The following TEX14 variants were observed in gnomAD, a reference collection of about 807,000 sequenced individuals.
TEX14 encodes the protein testis expressed 14, intercellular bridge forming factor, also known as inactive serine/threonine-protein kinase TEX14.
TEX14 carries 168 observed loss-of-function variants against 178.6 expected under a neutral mutation model. The ratio of observed to expected loss-of-function variants is 0.94; its 90% CI spans 0.83 to 1.07. The LOEUF (loss-of-function observed/expected upper bound fraction) is 1.07. TEX14 is among the 50% of genes least tolerant of loss of function. The pLI is 0.00. For missense variants in TEX14, 1,730 were observed against 1,753.6 expected, an observed-to-expected ratio of 0.99 and a Z score of 0.24; for synonymous variants, 626 against 634.1, an observed-to-expected ratio of 0.99 and a Z score of 0.19.
At chr17:58,595,448 G>C (rs2045256993) in intron 14 of TEX14, among the ~76,000 whole-genome samples, 1 of 152,142 alleles carries the variant, frequency 6.6e-6, no homozygotes, top group South Asian at 2.1e-4. Context: ...CAGTGAATCT[G>C]GGCTGGCCTC....
chr17:58,607,012 CA>C lies in TEX14; in HGVS notation c.1185-1884del, dbSNP rs35155837. On this transcript the variant is annotated intron_variant, in intron 10 of 31. Transcript: ENST00000349033. ...TGCATTCCAGACTGGGCTACTGTCT[CA>C]AAAAAAAAAAAAAAAAAAAAAAAGG... Among the ~76,000 whole-genome samples, 350 of 92,562 alleles carry C rather than the reference CA, an allele frequency of 3.8e-3. 1 individual carries two copies. Among genetic ancestry groups the C allele is most frequent in the African/African-American group, 9.1e-3 (199 of 21,772 alleles). The allele number at this position is 92,562 out of a possible 152,430, so 60.7% of individuals were successfully genotyped here. A position where few individuals can be genotyped will look rare whatever the true frequency, so the allele number is the denominator to read the frequency against.
chr17:58,606,984 C>T (rs192452171), intron 10 of TEX14, among the ~76,000 whole-genome samples: 3 of 142,210 alleles, frequency 2.1e-5, no homozygotes, highest in African/African-American at 8.1e-5. Flanking sequence ...GAGATCGCAC[C>T]ACTGCATTCC....
chr17:58,598,791 T>A (rs549773128), intron 14 of TEX14, 85 bp downstream of exon 14: 1 of 1,291,624 alleles, frequency 7.7e-7, no homozygotes, highest in African/African-American at 1.5e-5. Flanking sequence ...GTGTTTACTT[T>A]GGAGACTTGG....
At chr17:58,563,903 T>C (rs1466974177) in intron 28 of TEX14, among the ~76,000 whole-genome samples, 1 of 150,518 alleles carries the variant, frequency 6.6e-6, no homozygotes, top group Non-Finnish European at 1.5e-5. Flanking sequence ...CATGAAAAGA[T>C]GTTCAACATC....
chr17:58,560,262 C>T (rs1268647174), intron 29 of TEX14, among the ~76,000 whole-genome samples: 2 of 152,214 alleles, frequency 1.3e-5, no homozygotes, highest in East Asian at 1.9e-4. Context: ...ATAGTCAAAA[C>T]AAAATACGTA....
intron 14 of TEX14, among the ~76,000 whole-genome samples, chr17:58,594,742 G>A (rs917275203): frequency 6.6e-5 from 10 of 152,084 alleles, no homozygotes; most frequent in African/African-American, 2.4e-4. Flanking sequence ...GGGATGCTAT[G>A]AAAATAAAAC....
intron 1 of TEX14, among the ~76,000 whole-genome samples, chr17:58,689,087 C>G (rs2047649526): frequency 6.6e-6 from 1 of 151,558 alleles, no homozygotes; most frequent in Non-Finnish European, 1.5e-5. Context: ...CCTGCCACCA[C>G]ACCCGGCTAA....
chr17:58,621,706 T>C lies in TEX14; in HGVS notation c.498A>G (p.Ile166Met). The part of the protein sequence containing the change: ...QGFSYDLLKK[I>M]DSPQRLVYSP... ...TGTAGACAAGCCGCTGCGGGGAGTC[T>C]ATCTTCTTCAGGAGGTCGTAAGAGA... Residue 166 changes from isoleucine to methionine, a missense_variant, in exon 5 of 32, where the codon ATA becomes ATG. Ile to Met is a conservative substitution (Grantham distance 10). Transcript: ENST00000349033. The C allele has an allele frequency of 6.2e-7, 1 of 1,614,186 alleles. No homozygotes were observed. Among genetic ancestry groups the C allele is most frequent in the South Asian group, 1.1e-5 (1 of 91,084 alleles).
rs780307487 is a variant in TEX14, at chr17:58,611,142, C to T, written c.1184+19G>A. 5.6e-6 allele frequency: 9 copies of T among 1,600,510 alleles called. No individual in the cohort carries two copies. Among genetic ancestry groups the T allele is most frequent in the Non-Finnish European group, 6.8e-6 (8 of 1,168,244 alleles). ...GGAGATCAACTTCAGGAGAAAGTCCCACTCCATGTTATGCCCACCTTTCCA... is the reference window on the plus strand; with the variant it reads ...GGAGATCAACTTCAGGAGAAAGTCCTACTCCATGTTATGCCCACCTTTCCA... On this transcript the variant is annotated intron_variant, in intron 10 of 31. Transcript: ENST00000349033.
At chr17:58,661,182 C>T (rs1361271558) in intron 1 of TEX14, 3 of 803,392 alleles carry the variant, frequency 3.7e-6, no homozygotes, top group Non-Finnish European at 6.8e-6. Flanking sequence ...GTAATAGCAC[C>T]GTGATTTTCA....
chr17:58,654,744 T>G (rs1013761868), intron 1 of TEX14, among the ~76,000 whole-genome samples: 4 of 151,668 alleles, frequency 2.6e-5, no homozygotes, highest in African/African-American at 9.7e-5. Context: ...TGACCTCAGG[T>G]GATCTGCCCA....
In TEX14 at chr17:58,651,524, T is replaced by C. The variant is rs184156563; in HGVS notation, c.136+342A>G. ...GGACAGCTGTGAACACTGGCCTCCT[T>C]AGTCAACCACGGGTGTCAGAGAACT... On this transcript the variant is annotated intron_variant, in intron 2 of 31. Transcript: ENST00000349033. Among the ~76,000 whole-genome samples the C allele has an allele frequency of 4.8e-3, 729 of 152,280 alleles. 4 individuals are homozygous for C. The highest frequency in any genetic ancestry group is 6.2e-3 in the Non-Finnish European group (425 of 68,014).
At chr17:58,653,474 A>G (rs904385375) in intron 1 of TEX14, among the ~76,000 whole-genome samples, 1 of 152,100 alleles carries the variant, frequency 6.6e-6, no homozygotes, top group African/African-American at 2.4e-5. Flanking sequence ...GATCCCCAAT[A>G]TGGAGGTGTT....
At chr17:58,634,897 C>G (rs777571337) in intron 2 of TEX14, among the ~76,000 whole-genome samples, 1 of 151,960 alleles carries the variant, frequency 6.6e-6, no homozygotes, top group Non-Finnish European at 1.5e-5. Flanking sequence ...TTTGGGAGGC[C>G]GAGGCAGGCG....
In TEX14 at chr17:58,613,440, A is replaced by G; in HGVS notation, c.986T>C (p.Phe329Ser). 9 of 1,614,134 alleles carry G rather than the reference A, an allele frequency of 5.6e-6. No individual in the cohort carries two copies. The highest frequency in any genetic ancestry group is 6.8e-6 in the Non-Finnish European group (8 of 1,180,002). ...VYERITIGTL[F>S]SVLHERRSQF... The stretch of plus-strand genomic sequence containing the variant: ...GTTTACTCGTTCATGAAGGACACTG[A>G]ACAATGTGCCGATAGTGATGCGCTC... The change falls in exon 9 of 32, where the codon TTC becomes TCC. Residue 329 changes from phenylalanine (F) to serine (S), a missense_variant. By Grantham distance (155) the Phe-to-Ser change is radical. Transcript: ENST00000349033.
chr17:58,573,990 C>T (rs1368798026), intron 22 of TEX14, among the ~76,000 whole-genome samples, 197 bp downstream of exon 22: 1 of 152,124 alleles, frequency 6.6e-6, no homozygotes, highest in Non-Finnish European at 1.5e-5. Flanking sequence ...ATCATCACTA[C>T]ATTTCCTTGA....
At chr17:58,558,914 A>C (rs1007391358) in intron 30 of TEX14, among the ~76,000 whole-genome samples, 1 of 152,190 alleles carries the variant, frequency 6.6e-6, no homozygotes, top group Non-Finnish European at 1.5e-5. Flanking sequence ...TCACACCTGT[A>C]ATCCCAGCAC....
intron 1 of TEX14, chr17:58,661,536 T>G: frequency 1.3e-6 from 1 of 777,132 alleles, no homozygotes; most frequent in Non-Finnish European, 2.4e-6. Flanking sequence ...AGAAGCTGTT[T>G]GCTGGAATCG....
intron 8 of TEX14, among the ~76,000 whole-genome samples, chr17:58,614,443 T>A (rs1010060219): frequency 6.6e-6 from 1 of 152,190 alleles, no homozygotes; most frequent in Non-Finnish European, 1.5e-5. Context: ...TGAGCCTAGA[T>A]GGTGCCACTG....
Sources: allele counts gnomAD v4.1 joint callset (sites outside exome capture counted in the v4.1 genomes callset), GRCh38; gene constraint gnomAD v4.1.1; transcripts MANE v1.5; gene names NCBI Gene and HGNC (gene_info 2026-07-23, HGNC 2026-07-21).